Variants in KLHL32 observed in about 807,000 individuals in gnomAD.
The protein encoded by KLHL32 is kelch-like protein 32.
KLHL32 carries 35 observed loss-of-function variants against 64.8 expected under a neutral mutation model. That is an observed-to-expected ratio of 0.54 (90% CI 0.41 to 0.72). KLHL32 has a LOEUF of 0.72. Ranked by LOEUF, KLHL32 falls within the 30% of genes least tolerant of loss-of-function variation. KLHL32 has a pLI of 0.00. For synonymous variants in KLHL32, 259 were observed against 281.0 expected, an observed-to-expected ratio of 0.92 and a Z score of 0.78; for missense variants, 589 against 768.5, an observed-to-expected ratio of 0.77 and a Z score of 2.76.
chr6:96,988,772 C>G (rs1777454132), intron 3 of KLHL32, among the ~76,000 whole-genome samples: 1 of 152,094 alleles, frequency 6.6e-6, no homozygotes. Context: ...TACTATGCAA[C>G]CATAAAAAAG....
At chr6:97,005,091 ACTGTGAAT>A (rs1779496677) in intron 3 of KLHL32, among the ~76,000 whole-genome samples, 1 of 151,890 alleles carries the variant, frequency 6.6e-6, no homozygotes, top group Non-Finnish European at 1.5e-5. Flanking sequence ...GTAGAATTTG[ACTGTGAAT>A]CTGTCTGGTC....
the KLHL32 span, among the ~76,000 whole-genome samples, chr6:96,906,844 A>G: frequency 6.6e-6 from 1 of 152,170 alleles, no homozygotes; most frequent in African/African-American, 2.4e-5. Flanking sequence ...TATGGATGCA[A>G]TCTTGTTCAC....
intron 1 of KLHL32, among the ~76,000 whole-genome samples, chr6:96,940,818 G>A (rs1385579820): frequency 6.6e-6 from 1 of 152,136 alleles, no homozygotes; most frequent in Non-Finnish European, 1.5e-5. Flanking sequence ...TGAGGTGAGA[G>A]GCGCTCCATG....
chr6:97,041,330 T>G (rs1261618173), intron 3 of KLHL32, among the ~76,000 whole-genome samples, 162 bp from the exon 4 acceptor site: 1 of 152,188 alleles, frequency 6.6e-6, no homozygotes, highest in African/African-American at 2.4e-5. Context: ...ATCAAAATGA[T>G]TTGCAGTGGT....
At chr6:97,122,053 G>C (rs59986399) in intron 7 of KLHL32, among the ~76,000 whole-genome samples, 4 of 152,186 alleles carry the variant, frequency 2.6e-5, no homozygotes, top group African/African-American at 7.2e-5. Flanking sequence ...ATATTATTGA[G>C]ATTATAAAGG....
At chr6:97,084,460 G>A (rs1028698473) in intron 5 of KLHL32, among the ~76,000 whole-genome samples, 2 of 152,100 alleles carry the variant, frequency 1.3e-5, no homozygotes, top group Non-Finnish European at 2.9e-5. Flanking sequence ...TCTTCAAAAA[G>A]GTGGGAAGAA....
intron 5 of KLHL32, among the ~76,000 whole-genome samples, chr6:97,083,705 G>C (rs1318955690): frequency 1.3e-5 from 2 of 152,116 alleles, no homozygotes; most frequent in African/African-American, 4.8e-5. Context: ...TCCATACTTT[G>C]TATTTCTGAA....
intron 4 of KLHL32, among the ~76,000 whole-genome samples, chr6:97,059,411 T>G (rs1788515702): frequency 6.6e-6 from 1 of 152,202 alleles, no homozygotes; most frequent in Non-Finnish European, 1.5e-5. Flanking sequence ...GTTTGAATTC[T>G]CTGATTCATA....
At position 97,140,303 on chromosome 6, in the gene KLHL32, C is replaced by CTAA. The variant is rs1256944084; in HGVS notation, c.*1023_*1025dup. On this transcript the variant is annotated 3_prime_UTR_variant, in exon 11 of 11. Transcript: ENST00000369261. ...AAAGCTAAAAAATAATTTAGTTGTA[C>CTAA]TAATTATGGTACCATAAAGTGCTTT... 6.6e-6 allele frequency: 1 copy of CTAA among 151,990 alleles called. No homozygotes were observed. The highest frequency in any genetic ancestry group is 1.9e-4 in the East Asian group (1 of 5,186). The allele number at this position is 151,990 out of a possible 1,614,324, so 9.4% of individuals were successfully genotyped here.
intron 4 of KLHL32, among the ~76,000 whole-genome samples, chr6:97,047,219 C>A (rs922845818): frequency 6.6e-6 from 1 of 152,212 alleles, no homozygotes. Context: ...CATTTCCTAT[C>A]AAGTAGCAAA....
chr6:96,909,863 T>C, the KLHL32 span, among the ~76,000 whole-genome samples: 34,969 of 152,182 alleles, frequency 0.23, 4,656 homozygotes, highest in East Asian at 0.37. Context: ...AGCAGTTGTG[T>C]CCTGCTGGTA....
At chr6:97,001,372 A>G (rs1779013161) in intron 3 of KLHL32, among the ~76,000 whole-genome samples, 1 of 152,204 alleles carries the variant, frequency 6.6e-6, no homozygotes, top group South Asian at 2.1e-4. Context: ...AAATTAAAAA[A>G]ATTTTGTAGG....
chr6:97,035,580 T>G (rs972227780), intron 3 of KLHL32, among the ~76,000 whole-genome samples: 2 of 152,108 alleles, frequency 1.3e-5, no homozygotes, highest in Non-Finnish European at 2.9e-5. Context: ...TTTCATTTAT[T>G]TTTAAAGGAT....
At chr6:97,085,067 G>A (rs1562319516) in intron 5 of KLHL32, 59 bp from the exon 6 acceptor site, 2 of 1,463,736 alleles carry the variant, frequency 1.4e-6, no homozygotes, top group Non-Finnish European at 1.9e-6. Flanking sequence ...TTTCTTGCCT[G>A]CTCTTTCTCG....
At chr6:97,098,689 A>C (rs1215357623) in intron 6 of KLHL32, among the ~76,000 whole-genome samples, 1 of 152,222 alleles carries the variant, frequency 6.6e-6, no homozygotes, top group Non-Finnish European at 1.5e-5. Context: ...TCTGTTTAAA[A>C]TGTTTATTTA....
intron 3 of KLHL32, among the ~76,000 whole-genome samples, chr6:97,014,077 C>T (rs1025192827): frequency 1.3e-5 from 2 of 151,972 alleles, no homozygotes; most frequent in Non-Finnish European, 2.9e-5. Context: ...GAGGCCGTGG[C>T]GGGCGGATCA....
At chr6:96,970,859 A>G (rs1775031774) in intron 2 of KLHL32, among the ~76,000 whole-genome samples, 1 of 152,186 alleles carries the variant, frequency 6.6e-6, no homozygotes, top group Non-Finnish European at 1.5e-5. Context: ...AAATTATTTT[A>G]TTATAGGGTC....
intron 3 of KLHL32, among the ~76,000 whole-genome samples, chr6:97,030,724 G>A (rs1040585965): frequency 6.6e-6 from 1 of 152,132 alleles, no homozygotes; most frequent in African/African-American, 2.4e-5. Context: ...GAACTCACTT[G>A]TGTTTCTCAA....
At chr6:97,095,406 T>C (rs547842799) in intron 6 of KLHL32, among the ~76,000 whole-genome samples, 1 of 152,350 alleles carries the variant, frequency 6.6e-6, no homozygotes, top group South Asian at 2.1e-4. Context: ...TCTCATCTCA[T>C]GTAAGTTTTA....
Sources: gnomAD v4.1 joint callset for allele counts (sites outside exome capture counted in the v4.1 genomes callset) on GRCh38, gnomAD v4.1.1 for gene constraint, MANE v1.5 for transcripts, NCBI Gene and HGNC (gene_info 2026-07-23, HGNC 2026-07-21) for gene names.